IL17B: variants seen among roughly 807,000 people sequenced by gnomAD.
IL17B encodes interleukin 17B.
Under a neutral mutation model 14.7 loss-of-function variants are expected in IL17B, and 14 were observed. That is an observed-to-expected ratio of 0.95 (90% confidence interval 0.63 to 1.49). The LOEUF is 1.49. Ranked by LOEUF, IL17B falls within the 40% of genes most tolerant of loss-of-function variation. The pLI, the probability that IL17B is intolerant of heterozygous loss-of-function variation, is 0.00. For missense variants in IL17B, 233 were observed against 252.8 expected (o/e 0.92, Z 0.53); for synonymous variants, 105 against 94.8 (o/e 1.11, Z -0.62).
intron 1 of IL17B, among the ~76,000 whole-genome samples, chr5:149,402,685 C>T (rs1759229104): frequency 1.6e-5 from 2 of 121,486 alleles, no homozygotes; most frequent in Non-Finnish European, 3.3e-5. Context: ...TAATACCATG[C>T]TTTTAAAAAA....
chr5:149,381,409 C>G (rs141263129), upstream of IL17B, among the ~76,000 whole-genome samples: 10 of 152,338 alleles, frequency 6.6e-5, no homozygotes, highest in East Asian at 1.9e-3. Flanking sequence ...ACCCATTTTA[C>G]TACAAGGAGA....
upstream of IL17B, among the ~76,000 whole-genome samples, chr5:149,379,588 T>C (rs959032028): frequency 6.6e-6 from 1 of 152,162 alleles, no homozygotes; most frequent in Non-Finnish European, 1.5e-5. Context: ...GACAATCAGC[T>C]TCGTTTGCTT....
At chr5:149,389,539 G>C (rs558046363) in intron 1 of IL17B, among the ~76,000 whole-genome samples, 1 of 152,224 alleles carries the variant, frequency 6.6e-6, no homozygotes, top group African/African-American at 2.4e-5. Flanking sequence ...GTCAGAGTTG[G>C]GACCAGAATC....
intron 1 of IL17B, among the ~76,000 whole-genome samples, chr5:149,393,815 G>A (rs1444646452): frequency 1.3e-5 from 2 of 152,076 alleles, no homozygotes; most frequent in African/African-American, 4.8e-5. Context: ...ATGAGCCAAT[G>A]AACTCCCTTT....
chr5:149,397,436 T>C (rs1459703454), intron 1 of IL17B, among the ~76,000 whole-genome samples: 3 of 152,200 alleles, frequency 2.0e-5, no homozygotes, highest in Admixed American at 2.0e-4. Flanking sequence ...CCCAAAATGG[T>C]AGGATTATAG....
upstream of IL17B, among the ~76,000 whole-genome samples, chr5:149,384,056 C>T (rs142926175): frequency 8.4e-3 from 1,277 of 152,348 alleles, 9 homozygotes; most frequent in Non-Finnish European, 1.0e-2. Context: ...AAAGCGGGAA[C>T]GCTTTCTAAG....
At chr5:149,392,983 T>TGC (rs1561716983) in intron 1 of IL17B, among the ~76,000 whole-genome samples, 2 of 142,370 alleles carry the variant, frequency 1.4e-5, no homozygotes. Flanking sequence ...CGTGCGTGTG[T>TGC]GTGTGCGTGT....
At chr5:149,379,363 C>G, upstream of IL17B, 1 of 992,596 alleles carries the variant, frequency 1.0e-6, no homozygotes, top group Non-Finnish European at 1.5e-6. Flanking sequence ...TGGGTGGGCT[C>G]GTCATCAGCT....
intron 1 of IL17B, among the ~76,000 whole-genome samples, chr5:149,390,229 C>T (rs1024439968): frequency 2.7e-5 from 4 of 146,782 alleles, no homozygotes; most frequent in Admixed American, 2.7e-4. Context: ...CCCCCCCCTC[C>T]CTGTCCCTGG....
chr5:149,393,465 T>G (rs1005351156), intron 1 of IL17B, among the ~76,000 whole-genome samples: 1 of 152,202 alleles, frequency 6.6e-6, no homozygotes, highest in Non-Finnish European at 1.5e-5. Context: ...CCTAGTTCAG[T>G]GTGAAGCCTA....
At chr5:149,402,442 T>C (rs749439353) in intron 1 of IL17B, among the ~76,000 whole-genome samples, 69 of 151,998 alleles carry the variant, frequency 4.5e-4, no homozygotes, top group Admixed American at 7.2e-4. Flanking sequence ...GTTACATCCT[T>C]CTCTCAGGAC....
intron 1 of IL17B, among the ~76,000 whole-genome samples, chr5:149,389,963 G>T (rs4705338): frequency 0.3 from 45,932 of 151,708 alleles, 6,986 homozygotes; most frequent in African/African-American, 0.32. Context: ...GGGCCTCAAG[G>T]CAGGGAGGGG....
intron 1 of IL17B, among the ~76,000 whole-genome samples, chr5:149,385,716 C>G (rs1758813201): frequency 6.6e-6 from 1 of 152,232 alleles, no homozygotes; most frequent in South Asian, 2.1e-4. Flanking sequence ...TCTGGATTCA[C>G]AAGATCTGGA....
intron 1 of IL17B, among the ~76,000 whole-genome samples, chr5:149,389,356 G>T (rs564045593): frequency 1.3e-5 from 2 of 152,334 alleles, no homozygotes; most frequent in African/African-American, 4.8e-5. Context: ...ATTTGGAAAA[G>T]AAACTTTGCT....
upstream of IL17B, chr5:149,379,302 A>G: frequency 6.4e-7 from 1 of 1,570,000 alleles, no homozygotes; most frequent in South Asian, 1.1e-5. Context: ...TGGCAGCAAC[A>G]GGATGGAGCG....
At chr5:149,398,391 G>A (rs745675190) in intron 1 of IL17B, among the ~76,000 whole-genome samples, 1 of 152,104 alleles carries the variant, frequency 6.6e-6, no homozygotes, top group Non-Finnish European at 1.5e-5. Flanking sequence ...TATCGGAAAG[G>A]GTCTGATTTC....
chr5:149,377,746 A>C (rs1477239657), intron 1 of IL17B, among the ~76,000 whole-genome samples: 1 of 142,294 alleles, frequency 7.0e-6, no homozygotes, highest in Non-Finnish European at 1.5e-5. Context: ...GGGAAGGGAC[A>C]TGTCAGGTGA....
chr5:149,395,415 G>C (rs2127622115), intron 1 of IL17B, among the ~76,000 whole-genome samples: 1 of 152,146 alleles, frequency 6.6e-6, no homozygotes, highest in South Asian at 2.1e-4. Context: ...TGGTGTCTTG[G>C]GCTCACGGAA....
intron 1 of IL17B, among the ~76,000 whole-genome samples, chr5:149,393,233 T>A (rs1260011571): frequency 6.6e-6 from 1 of 152,212 alleles, no homozygotes; most frequent in Non-Finnish European, 1.5e-5. Context: ...CTGTTCCCTT[T>A]GCTTCAATGC....
Sources: allele counts gnomAD v4.1 joint callset (sites outside exome capture counted in the v4.1 genomes callset), GRCh38; gene constraint gnomAD v4.1.1; transcripts MANE v1.5; gene names NCBI Gene and HGNC (gene_info 2026-07-23, HGNC 2026-07-21).